SYN2: variants seen among roughly 807,000 people sequenced by gnomAD.
The protein encoded by SYN2 is synapsin-2.
In SYN2, 19 loss-of-function variants were observed where a neutral mutation model predicts 50.9. That is an observed-to-expected ratio of 0.37 (90% confidence interval 0.26 to 0.55). SYN2 has a LOEUF of 0.55. Among genes scored for constraint, SYN2 ranks in the 20% least tolerant of loss-of-function variants. SYN2 has a pLI of 0.81. For synonymous variants in SYN2, 255 were observed against 224.9 expected, an observed-to-expected ratio of 1.13 and a Z score of -1.20; for missense variants, 587 against 576.4, an observed-to-expected ratio of 1.02 and a Z score of -0.19.
At chr3:12,174,651 T>G (rs1271544346) in intron 10 of SYN2, among the ~76,000 whole-genome samples, 1 of 152,122 alleles carries the variant, frequency 6.6e-6, no homozygotes, top group Non-Finnish European at 1.5e-5. Context: ...CCGGCTAATT[T>G]TTTGTATTTT....
At chr3:12,018,682 A>C (rs543081358) in intron 1 of SYN2, among the ~76,000 whole-genome samples, 1 of 152,200 alleles carries the variant, frequency 6.6e-6, no homozygotes, top group South Asian at 2.1e-4. Context: ...ACAATTTGCT[A>C]TTCTTCTCTG....
At chr3:12,079,830 G>A (rs1315861965) in intron 1 of SYN2, among the ~76,000 whole-genome samples, 1 of 152,120 alleles carries the variant, frequency 6.6e-6, no homozygotes, top group Non-Finnish European at 1.5e-5. Context: ...ATGAGTTAAG[G>A]AAGAGTCCCT....
intron 1 of SYN2, among the ~76,000 whole-genome samples, chr3:12,042,011 G>T (rs1273802759): frequency 6.6e-6 from 1 of 152,114 alleles, no homozygotes; most frequent in African/African-American, 2.4e-5. Context: ...GCTCTGCTCT[G>T]CCAACATATA....
intron 1 of SYN2, among the ~76,000 whole-genome samples, chr3:12,133,825 T>A (rs943564804): frequency 2.0e-5 from 3 of 152,206 alleles, no homozygotes; most frequent in Admixed American, 2.0e-4. Context: ...AGTAAAGATG[T>A]TAATAAAATT....
At chr3:12,091,902 T>C (rs1189431411) in intron 1 of SYN2, among the ~76,000 whole-genome samples, 1 of 152,192 alleles carries the variant, frequency 6.6e-6, no homozygotes, top group Non-Finnish European at 1.5e-5. Flanking sequence ...GCAAAATGAA[T>C]GTTAAATCTT....
chr3:12,163,301 A>G (rs955017590), intron 7 of SYN2, among the ~76,000 whole-genome samples: 10 of 151,862 alleles, frequency 6.6e-5, no homozygotes, highest in Admixed American at 5.2e-4. Context: ...AAGAAAGAAC[A>G]TTATTAATAT....
chr3:12,092,406 A>G (rs979674396), intron 1 of SYN2, among the ~76,000 whole-genome samples: 6 of 152,198 alleles, frequency 3.9e-5, no homozygotes, highest in South Asian at 2.1e-4. Context: ...AATGAGAGCA[A>G]TTAACCTCTC....
intron 1 of SYN2, among the ~76,000 whole-genome samples, chr3:12,018,098 C>G (rs1293052636): frequency 6.6e-6 from 1 of 152,082 alleles, no homozygotes; most frequent in African/African-American, 2.4e-5. Context: ...ATTACCCAAG[C>G]TCAAATAGCC....
chr3:12,025,855 T>G (rs904199721), intron 1 of SYN2, among the ~76,000 whole-genome samples: 18 of 152,196 alleles, frequency 1.2e-4, no homozygotes, highest in African/African-American at 3.6e-4. Context: ...AAGGTAGATA[T>G]TATACTGACA....
In SYN2 at chr3:12,071,117, A is replaced by G. The variant is rs1411351356; in HGVS notation, c.377+66189A>G. The G allele has an allele frequency of 3.0e-5, 17 of 561,132 alleles. No individual in the cohort carries two copies. The Admixed American group carries it at 3.2e-4, about 11-fold the overall frequency. 34.8% of individuals were successfully genotyped at this position (561,132 alleles called of 1,614,324 possible). A position where few individuals can be genotyped will look rare whatever the true frequency, so the allele number is the denominator to read the frequency against. On this transcript the variant is annotated intron_variant, in intron 1 of 12. Coordinates refer to ENST00000621198, the MANE Select transcript of SYN2 (RefSeq NM_133625.6). ...GATGTGGACATCTGCAAAGACCTAC[A>G]TGCCAACAAGGTGCTGTCCAGCGGC...
At chr3:12,121,338 C>T (rs1451673282) in intron 1 of SYN2, among the ~76,000 whole-genome samples, 1 of 152,208 alleles carries the variant, frequency 6.6e-6, no homozygotes, top group Non-Finnish European at 1.5e-5. Context: ...CTAGCAGCAT[C>T]TCACTTATGG....
intron 5 of SYN2, chr3:12,159,139 A>AG (rs1244577326): frequency 2.5e-6 from 1 of 401,882 alleles, no homozygotes; most frequent in Non-Finnish European, 4.4e-6. Flanking sequence ...AAGCACTGGG[A>AG]GAGGGGATGG....
At chr3:12,017,951 T>C (rs939154824) in intron 1 of SYN2, among the ~76,000 whole-genome samples, 1 of 152,252 alleles carries the variant, frequency 6.6e-6, no homozygotes, top group Non-Finnish European at 1.5e-5. Flanking sequence ...AGCTGACTTA[T>C]ATGTGGAAAC....
rs114838752 is a variant in SYN2, at chr3:12,186,446, G to A, written c.1370-923G>A. 3.2e-3 allele frequency among the ~76,000 whole-genome samples: 484 copies of A among 152,286 alleles called. 1 individual carries two copies. Among genetic ancestry groups the A allele is most frequent in the African/African-American group, 0.011 (466 of 41,564 alleles). On this transcript the variant is annotated intron_variant, in intron 11 of 12. Coordinates refer to ENST00000621198, the MANE Select transcript of SYN2 (RefSeq NM_133625.6). ...GTTTAGTGTTTCATGCTGGGAGGAGGGTGTGCTGTTCCTTTTTAGGGGGGC... is the reference window on the plus strand; with the variant it reads ...GTTTAGTGTTTCATGCTGGGAGGAGAGTGTGCTGTTCCTTTTTAGGGGGGC...
At chr3:12,039,721 T>C (rs9846533) in intron 1 of SYN2, among the ~76,000 whole-genome samples, 246 of 152,290 alleles carry the variant, frequency 1.6e-3, no homozygotes, top group African/African-American at 5.7e-3. Context: ...GAATTGGTCC[T>C]CTCATGGATA....
At chr3:12,174,553 C>T (rs1398024824) in intron 10 of SYN2, among the ~76,000 whole-genome samples, 1 of 152,154 alleles carries the variant, frequency 6.6e-6, no homozygotes. Context: ...TGCATCTCAG[C>T]TCACTGCCAC....
At chr3:12,111,096 C>T (rs1440472623) in intron 1 of SYN2, among the ~76,000 whole-genome samples, 3 of 152,110 alleles carry the variant, frequency 2.0e-5, no homozygotes, top group Admixed American at 1.3e-4. Flanking sequence ...CTCATCTTCC[C>T]ATGTGTTGTG....
chr3:12,137,209 C>T (rs1006706086), intron 1 of SYN2, among the ~76,000 whole-genome samples: 1 of 150,016 alleles, frequency 6.7e-6, no homozygotes, highest in African/African-American at 2.5e-5. Context: ...GATTGCACCA[C>T]TGCACTCTAG....
At chr3:12,093,458 T>C (rs976882648) in intron 1 of SYN2, among the ~76,000 whole-genome samples, 6 of 152,232 alleles carry the variant, frequency 3.9e-5, no homozygotes, top group African/African-American at 1.4e-4. Flanking sequence ...TTGTCTCCTG[T>C]GGGTCAGAGT....
Sources: allele counts gnomAD v4.1 joint callset (sites outside exome capture counted in the v4.1 genomes callset), GRCh38; gene constraint gnomAD v4.1.1; transcripts MANE v1.5; gene names NCBI Gene and HGNC (gene_info 2026-07-23, HGNC 2026-07-21).